Variants in PKHD1 observed in about 807,000 individuals in gnomAD.
PKHD1 encodes PKHD1 ciliary IPT domain containing fibrocystin/polyductin.
Under a neutral mutation model 412.0 loss-of-function variants are expected in PKHD1, and 291 were observed. The observed-to-expected ratio is 0.71, with a 90% confidence interval of 0.64 to 0.78. PKHD1 has a LOEUF of 0.78. PKHD1 is among the 30% of genes least tolerant of loss of function. PKHD1 has a pLI of 0.00. For missense variants in PKHD1, 4,825 were observed against 4,950.7 expected (o/e 0.97, Z 0.76); for synonymous variants, 1,777 against 1,821.5 (o/e 0.98, Z 0.62).
At chr6:51,720,668 T>G (rs772821007) in intron 60 of PKHD1, among the ~76,000 whole-genome samples, 4 of 152,130 alleles carry the variant, frequency 2.6e-5, no homozygotes, top group Non-Finnish European at 5.9e-5. Flanking sequence ...TTTTTTTCAT[T>G]ATATAGCATT....
chr6:51,837,090 G>A (rs1303600399), intron 50 of PKHD1, among the ~76,000 whole-genome samples: 1 of 152,152 alleles, frequency 6.6e-6, no homozygotes, highest in African/African-American at 2.4e-5. Flanking sequence ...AGATTAAGCT[G>A]GGAACATATG....
intron 53 of PKHD1, among the ~76,000 whole-genome samples, chr6:51,777,019 G>A (rs10498791): frequency 0.19 from 28,299 of 152,006 alleles, 2,928 homozygotes; most frequent in African/African-American, 0.28. Flanking sequence ...AGTTGTTTGA[G>A]AAGTAACTGG....
chr6:52,062,623 A>G lies in PKHD1; in HGVS notation c.1014T>C (p.Val338=). 1 of 1,614,160 alleles carries G rather than the reference A, an allele frequency of 6.2e-7. No individual in the cohort carries two copies. ...TGGCTTCAGTCAGTTCCAGTCCCTCAACAGCATCTCCAACTTCAAAAAGAA... is the reference window on the plus strand; with the variant it reads ...TGGCTTCAGTCAGTTCCAGTCCCTCGACAGCATCTCCAACTTCAAAAAGAA... ...RGLLFEVGDA[V]EGLELTEATP... The change falls in exon 14 of 67, where the codon GTT becomes GTC. Residue 338 remains valine, a synonymous_variant. Transcript: ENST00000371117.
chr6:52,029,966 TAATCAAGTAGACCA>T (rs1316944857), intron 29 of PKHD1, among the ~76,000 whole-genome samples: 5 of 152,232 alleles, frequency 3.3e-5, no homozygotes, highest in Admixed American at 2.0e-4. Context: ...ATTGTAGTCT[TAATCAAGTAGACCA>T]AATCAAGTGG....
intron 52 of PKHD1, among the ~76,000 whole-genome samples, chr6:51,818,006 A>G (rs1209622944): frequency 1.3e-5 from 2 of 152,190 alleles, no homozygotes; most frequent in East Asian, 3.9e-4. Flanking sequence ...TCTAGGTAAG[A>G]GCAATGTTTT....
At position 51,962,712 on chromosome 6, in the gene PKHD1, G is replaced by A. The variant is rs1583587531; in HGVS notation, c.5752-2686C>T. On this transcript the variant is annotated intron_variant, in intron 35 of 66. Transcript: ENST00000371117. ...CCCTTACCATGGCCTCTCCCGGGAT[G>A]CTCTTTCCCAAAAGATCTGCATGGC... Among the ~76,000 whole-genome samples the A allele has an allele frequency of 3.9e-5, 6 of 152,150 alleles. 1 individual carries two copies. The South Asian group carries it at 1.2e-3, about 32-fold the overall frequency.
At chr6:51,938,287 T>C (rs948238789) in intron 36 of PKHD1, among the ~76,000 whole-genome samples, 1 of 152,220 alleles carries the variant, frequency 6.6e-6, no homozygotes, top group South Asian at 2.1e-4. Context: ...CCCTGTGACC[T>C]GCACGTATAC....
Position 51,658,996 on chromosome 6 carries a change from G to A in PKHD1, c.11130C>T (p.Ile3710=), listed in dbSNP as rs146224907. 2.5e-4 allele frequency: 410 copies of A among 1,612,808 alleles called. No individual in the cohort carries two copies. The African/African-American group carries it at 3.3e-3, about 13-fold the overall frequency. Residue 3710 remains isoleucine (I), a synonymous_variant, in exon 61 of 67, where the codon ATC becomes ATT. Coordinates refer to ENST00000371117, the MANE Select transcript of PKHD1 (RefSeq NM_138694.4). ...TTGACTGAGTAACTAGTAAGGCCCCGATAGTCATATTCAGAACATTCTCTA... is the reference window on the plus strand; with the variant it reads ...TTGACTGAGTAACTAGTAAGGCCCCAATAGTCATATTCAGAACATTCTCTA... ...GVLENVLNMT[I]GALLVTQSKG...
At chr6:51,831,061 ATGC>A in intron 51 of PKHD1, 72 bp from the exon 52 acceptor site, 1 of 1,161,828 alleles carries the variant, frequency 8.6e-7, no homozygotes, top group Non-Finnish European at 1.3e-6. Context: ...TTATTTTAGG[ATGC>A]TAGTGGTATT....
chr6:51,976,597 G>A (rs1177851719), intron 35 of PKHD1, among the ~76,000 whole-genome samples: 2 of 152,182 alleles, frequency 1.3e-5, no homozygotes, highest in African/African-American at 4.8e-5. Context: ...TGTACTAAAT[G>A]TACACTTAAA....
chr6:51,989,901 GAGGAAGGAAGGAAGGA>G (rs1562072321), intron 35 of PKHD1, among the ~76,000 whole-genome samples: 3 of 2,714 alleles, frequency 1.1e-3, no homozygotes, highest in African/African-American at 1.6e-3. Context: ...AGGAAGGAGG[GAGGAAGGAAGGAAGGA>G]AGGAAGGAAG....
At chr6:51,678,824 A>T (rs909599405) in intron 60 of PKHD1, among the ~76,000 whole-genome samples, 4 of 151,912 alleles carry the variant, frequency 2.6e-5, no homozygotes, top group African/African-American at 7.3e-5. Flanking sequence ...TGTTAATTTT[A>T]TTTATTTATT....
chr6:51,740,010 C>T (rs763976347), intron 60 of PKHD1: 24 of 518,966 alleles, frequency 4.6e-5, no homozygotes, highest in South Asian at 3.2e-4. Flanking sequence ...AATTTCAATG[C>T]TTTGTTCTTC....
intron 35 of PKHD1, among the ~76,000 whole-genome samples, chr6:52,007,864 T>A (rs1331568653): frequency 2.6e-5 from 4 of 151,976 alleles, no homozygotes; most frequent in Non-Finnish European, 4.4e-5. Flanking sequence ...ATCCAGTCGA[T>A]GCGACAGGAC....
At chr6:51,995,046 T>C (rs1276958048) in intron 35 of PKHD1, among the ~76,000 whole-genome samples, 1 of 152,228 alleles carries the variant, frequency 6.6e-6, no homozygotes, top group African/African-American at 2.4e-5. Context: ...TGCTCTCTGG[T>C]CACCCTGCGT....
At chr6:51,836,894 C>T (rs1484508716) in intron 50 of PKHD1, among the ~76,000 whole-genome samples, 1 of 152,264 alleles carries the variant, frequency 6.6e-6, no homozygotes, top group African/African-American at 2.4e-5. Flanking sequence ...TTACCTTTAT[C>T]CAAACAAATT....
At position 52,065,176 on chromosome 6, in the gene PKHD1, G is replaced by GAC. The variant is rs1562269208; in HGVS notation, c.881-127_881-126insGT. 10 of 149,260 alleles carry GAC rather than the reference G, an allele frequency of 6.7e-5. No individual in the cohort carries two copies. The East Asian group carries it at 1.1e-3, about 17-fold the overall frequency. 9.2% of individuals were successfully genotyped at this position (149,260 alleles called of 1,614,324 possible). A position where few individuals can be genotyped will look rare whatever the true frequency, so the allele number is the denominator to read the frequency against. ...ATATATATATATATATATAGAGAGAGAGAGAGAGAGAGAGAGAGAGACAGA... is the reference window on the plus strand; with the variant it reads ...ATATATATATATATATATAGAGAGAGACAGAGAGAGAGAGAGAGAGAGACAGA... On this transcript the variant is annotated intron_variant, in intron 12 of 66. Coordinates refer to ENST00000371117, the MANE Select transcript of PKHD1 (RefSeq NM_138694.4).
At chr6:51,979,722 A>T (rs1050738398) in intron 35 of PKHD1, among the ~76,000 whole-genome samples, 1 of 152,034 alleles carries the variant, frequency 6.6e-6, no homozygotes, top group African/African-American at 2.4e-5. Context: ...CTACCCTACA[A>T]GTGGTCTCCC....
intron 25 of PKHD1, among the ~76,000 whole-genome samples, chr6:52,044,091 G>T (rs997207924): frequency 1.3e-5 from 2 of 152,128 alleles, no homozygotes; most frequent in Non-Finnish European, 2.9e-5. Flanking sequence ...CTCTTTATTT[G>T]CTAGTAAAGA....
Sources: gnomAD v4.1 joint callset for allele counts (sites outside exome capture counted in the v4.1 genomes callset) on GRCh38, gnomAD v4.1.1 for gene constraint, MANE v1.5 for transcripts, NCBI Gene and HGNC (gene_info 2026-07-23, HGNC 2026-07-21) for gene names.